The following LRRC4C variants were observed in gnomAD, a reference collection of about 807,000 sequenced individuals.
LRRC4C encodes leucine rich repeat containing 4C, also known as leucine-rich repeat-containing protein 4C.
Under a neutral mutation model 33.6 loss-of-function variants are expected in LRRC4C, and 5 were observed. The observed-to-expected ratio is 0.15, with a 90% CI of 0.08 to 0.31. LRRC4C has a LOEUF of 0.31. Among genes scored for constraint, LRRC4C ranks in the 10% least tolerant of loss-of-function variants. LRRC4C has a pLI of 1.00. For synonymous variants in LRRC4C, 329 were observed against 302.0 expected, an observed-to-expected ratio of 1.09 and a Z score of -0.93; for missense variants, 560 against 796.7, an observed-to-expected ratio of 0.70 and a Z score of 3.58.
intron 1 of LRRC4C, among the ~76,000 whole-genome samples, chr11:41,021,224 T>TGC (rs1855960743): frequency 7.3e-6 from 1 of 136,940 alleles, no homozygotes; most frequent in Non-Finnish European, 1.6e-5. Context: ...AGTGTGTGTG[T>TGC]GTGTGTGTTT....
chr11:41,124,519 C>T (rs1942641341), intron 1 of LRRC4C, among the ~76,000 whole-genome samples: 1 of 152,190 alleles, frequency 6.6e-6, no homozygotes, highest in South Asian at 2.1e-4. Flanking sequence ...GCATACAGGC[C>T]TAGAAGTAAA....
In LRRC4C at chr11:41,445,865, C is replaced by CGTGTGTGTGTGTGTGTGTGTGT. The variant is rs748457357; in HGVS notation, c.-496+13565_-496+13566insACACACACACACACACACACAC. 3.1e-3 allele frequency among the ~76,000 whole-genome samples: 423 copies of CGTGTGTGTGTGTGTGTGTGTGT among 135,544 alleles called. 7 individuals are homozygous for CGTGTGTGTGTGTGTGTGTGTGT. Among genetic ancestry groups the CGTGTGTGTGTGTGTGTGTGTGT allele is most frequent in the South Asian group, 7.1e-3 (31 of 4,374 alleles). 88.9% of individuals were successfully genotyped at this position (135,544 alleles called of 152,430 possible). On this transcript the variant is annotated intron_variant, in intron 1 of 6. Transcript: ENST00000528697. ...CACAGTGTGTATGAATGAGTGACTG[C>CGTGTGTGTGTGTGTGTGTGTGT]ATGTGTGTGTGTGTGTGTGTGTGTG...
chr11:40,810,419 T>C (rs1248778115), intron 2 of LRRC4C, among the ~76,000 whole-genome samples: 2 of 152,224 alleles, frequency 1.3e-5, no homozygotes, highest in Non-Finnish European at 2.9e-5. Context: ...ATCTAAACTT[T>C]CTTCCAAGAT....
At chr11:40,998,557 T>A (rs1473156846) in intron 1 of LRRC4C, among the ~76,000 whole-genome samples, 1 of 152,142 alleles carries the variant, frequency 6.6e-6, no homozygotes, top group Non-Finnish European at 1.5e-5. Context: ...GGAAAATGGA[T>A]TACATAATTA....
chr11:40,855,170 T>C (rs1953719888), intron 2 of LRRC4C, among the ~76,000 whole-genome samples: 2 of 152,332 alleles, frequency 1.3e-5, no homozygotes, highest in South Asian at 2.1e-4. Context: ...CTTTTCTTCC[T>C]TGTGCTCAGA....
At chr11:41,272,825 T>G (rs1175377361) in intron 1 of LRRC4C, among the ~76,000 whole-genome samples, 1 of 152,170 alleles carries the variant, frequency 6.6e-6, no homozygotes, top group East Asian at 1.9e-4. Context: ...GATATTTGTT[T>G]TCTATATCAT....
At chr11:40,663,807 A>T (rs1289890796) in intron 2 of LRRC4C, among the ~76,000 whole-genome samples, 1 of 152,228 alleles carries the variant, frequency 6.6e-6, no homozygotes, top group Non-Finnish European at 1.5e-5. Flanking sequence ...AAAATGAAAC[A>T]TTAGACAATC....
At chr11:41,402,858 T>C (rs1954078068) in intron 1 of LRRC4C, among the ~76,000 whole-genome samples, 1 of 152,070 alleles carries the variant, frequency 6.6e-6, no homozygotes, top group South Asian at 2.1e-4. Flanking sequence ...TTTTTCACAA[T>C]AACAATATTA....
intron 1 of LRRC4C, among the ~76,000 whole-genome samples, chr11:41,039,627 G>A (rs1329376665): frequency 6.6e-6 from 1 of 152,108 alleles, no homozygotes; most frequent in Admixed American, 6.6e-5. Flanking sequence ...AAGAAATTTT[G>A]CATTTAAACA....
At chr11:40,861,726 A>G (rs1180958382) in intron 2 of LRRC4C, among the ~76,000 whole-genome samples, 1 of 152,204 alleles carries the variant, frequency 6.6e-6, no homozygotes, top group Admixed American at 6.5e-5. Context: ...TCTCTGGTTC[A>G]TGGTTCTGCA....
chr11:41,046,933 C>T (rs930112805), intron 1 of LRRC4C, among the ~76,000 whole-genome samples: 1 of 152,052 alleles, frequency 6.6e-6, no homozygotes, highest in African/African-American at 2.4e-5. Context: ...GGAAGGTGTA[C>T]ATCTTAGTAA....
intron 3 of LRRC4C, among the ~76,000 whole-genome samples, chr11:40,364,251 T>C (rs11035805): frequency 0.12 from 18,328 of 151,814 alleles, 1,353 homozygotes; most frequent in East Asian, 0.3. Flanking sequence ...AACAAAAAAA[T>C]CAGCCAATGA....
chr11:40,660,384 G>A (rs1943373194), intron 2 of LRRC4C, among the ~76,000 whole-genome samples: 2 of 152,130 alleles, frequency 1.3e-5, no homozygotes, highest in Admixed American at 1.3e-4. Context: ...GCAGAACTCG[G>A]GCAAAGGCAC....
chr11:40,207,719 C>T (rs1378652325), intron 5 of LRRC4C, among the ~76,000 whole-genome samples: 6 of 152,130 alleles, frequency 3.9e-5, no homozygotes, highest in African/African-American at 1.4e-4. Flanking sequence ...GTTCATCAGC[C>T]AAGTGTGTGG....
chr11:40,667,544 T>A (rs1323365204), intron 2 of LRRC4C, among the ~76,000 whole-genome samples: 1 of 152,150 alleles, frequency 6.6e-6, no homozygotes, highest in East Asian at 1.9e-4. Flanking sequence ...TGTGTTACCT[T>A]ACAGATGACT....
intron 2 of LRRC4C, among the ~76,000 whole-genome samples, chr11:40,898,787 A>G (rs1278114519): frequency 6.6e-6 from 1 of 151,608 alleles, no homozygotes; most frequent in African/African-American, 2.4e-5. Flanking sequence ...AAAAAAAAAC[A>G]TTAACCAACC....
chr11:40,691,201 A>C (rs1945206255), intron 2 of LRRC4C, among the ~76,000 whole-genome samples: 1 of 150,030 alleles, frequency 6.7e-6, no homozygotes, highest in African/African-American at 2.5e-5. Context: ...GATAAAAAAC[A>C]AAAAAAAACC....
intron 4 of LRRC4C, among the ~76,000 whole-genome samples, chr11:40,305,173 C>T (rs1944968856): frequency 6.6e-6 from 1 of 152,218 alleles, no homozygotes; most frequent in Non-Finnish European, 1.5e-5. Flanking sequence ...CTGCTCTTTG[C>T]AGGCACTGAT....
chr11:41,109,288 A>G (rs1214218388), intron 1 of LRRC4C, among the ~76,000 whole-genome samples: 1 of 152,094 alleles, frequency 6.6e-6, no homozygotes, highest in East Asian at 1.9e-4. Flanking sequence ...ACGGATTTCA[A>G]TTGCTAAAAG....
Sources: allele counts gnomAD v4.1 joint callset (sites outside exome capture counted in the v4.1 genomes callset), GRCh38; gene constraint gnomAD v4.1.1; transcripts MANE v1.5; gene names NCBI Gene and HGNC (gene_info 2026-07-23, HGNC 2026-07-21).